Variants in COMMD7 observed in about 807,000 individuals in gnomAD.
COMMD7 encodes the protein COMM domain-containing protein 7.
A neutral mutation model predicts 34.8 loss-of-function variants in COMMD7; 28 were observed. The ratio of observed to expected loss-of-function variants is 0.80; its 90% CI spans 0.60 to 1.10. The LOEUF (loss-of-function observed/expected upper bound fraction) is 1.10, where lower values mean the gene tolerates loss of function less well. COMMD7 is among the 50% of genes least tolerant of loss of function. The probability of loss-of-function intolerance (pLI) is 0.00; values close to 1 mark genes in which losing one functional copy is unlikely to be tolerated. For missense variants in COMMD7, 211 were observed against 241.6 expected (o/e 0.87, Z 0.84); for synonymous variants, 80 against 86.4 (o/e 0.93, Z 0.41).
At chr20:32,712,750 CTTTT>C (rs568295381) in intron 3 of COMMD7, among the ~76,000 whole-genome samples, 55 of 102,458 alleles carry the variant, frequency 5.4e-4, no homozygotes, top group East Asian at 2.7e-3. Flanking sequence ...GACACGGAGA[CTTTT>C]TTTTTTTTTT....
intron 3 of COMMD7, among the ~76,000 whole-genome samples, chr20:32,712,598 G>A (rs1289697277): frequency 7.4e-6 from 1 of 135,420 alleles, no homozygotes; most frequent in African/African-American, 2.8e-5. Context: ...CCCTGCACAT[G>A]TACCCCAGAC....
At chr20:32,732,696 G>A (rs1488860530) in intron 1 of COMMD7, among the ~76,000 whole-genome samples, 1 of 151,594 alleles carries the variant, frequency 6.6e-6, no homozygotes, top group African/African-American at 2.4e-5. Flanking sequence ...GGAGGCGGAG[G>A]TGGGTGGATC....
intron 1 of COMMD7, 50 bp downstream of exon 1, chr20:32,743,255 CGGA>C: frequency 7.8e-7 from 1 of 1,285,652 alleles, no homozygotes; most frequent in Non-Finnish European, 1.1e-6. Context: ...ACCCCAGGCC[CGGA>C]TCCTGGAATC....
At chr20:32,735,269 T>G (rs1188035059) in intron 1 of COMMD7, among the ~76,000 whole-genome samples, 2 of 151,684 alleles carry the variant, frequency 1.3e-5, no homozygotes, top group Non-Finnish European at 2.9e-5. Flanking sequence ...TACTCATATA[T>G]ATGCTGGCAA....
intron 3 of COMMD7, among the ~76,000 whole-genome samples, chr20:32,720,237 A>G (rs6058828): frequency 0.69 from 105,047 of 152,038 alleles, 36,997 homozygotes; most frequent in Middle Eastern, 0.82. Flanking sequence ...GCTCACGCCT[A>G]TAATCCCATC....
intron 3 of COMMD7, among the ~76,000 whole-genome samples, chr20:32,719,153 A>G: frequency 6.6e-6 from 1 of 152,190 alleles, no homozygotes; most frequent in East Asian, 1.9e-4. Context: ...AGACTTCATT[A>G]CGCAAGGTAA....
chr20:32,724,352 C>T (rs1398707083), intron 3 of COMMD7, among the ~76,000 whole-genome samples: 2 of 16,328 alleles, frequency 1.2e-4, no homozygotes, highest in East Asian at 1.1e-3. Context: ...AGCCGCCCCG[C>T]CCAGGAGGTG....
intron 3 of COMMD7, among the ~76,000 whole-genome samples, chr20:32,725,816 T>C (rs893640318): frequency 6.6e-6 from 1 of 151,968 alleles, no homozygotes; most frequent in Non-Finnish European, 1.5e-5. Context: ...TCTGGGAGGC[T>C]GAGGCGGGCA....
chr20:32,725,822 G>A (rs1009390367), intron 3 of COMMD7, among the ~76,000 whole-genome samples: 3 of 151,622 alleles, frequency 2.0e-5, no homozygotes, highest in African/African-American at 4.8e-5. Context: ...AGGCTGAGGC[G>A]GGCAGATCGC....
intron 3 of COMMD7, among the ~76,000 whole-genome samples, chr20:32,726,268 G>A (rs1985506290): frequency 6.6e-6 from 1 of 151,762 alleles, no homozygotes; most frequent in Non-Finnish European, 1.5e-5. Context: ...GCGCTTGCCT[G>A]TGCCTGTAAT....
chr20:32,704,138 C>G, intron 7 of COMMD7, 67 bp from the exon 8 acceptor site: 2 of 1,329,472 alleles, frequency 1.5e-6, no homozygotes, highest in Non-Finnish European at 2.1e-6. Flanking sequence ...TTCTTAAAAC[C>G]CTTTGACTTA....
intron 1 of COMMD7, among the ~76,000 whole-genome samples, chr20:32,739,793 G>A (rs1192491888): frequency 7.1e-6 from 1 of 140,974 alleles, no homozygotes; most frequent in African/African-American, 2.7e-5. Context: ...CAAGGTGGGT[G>A]GATCACTTGA....
At chr20:32,727,532 C>CT (rs1985583129) in intron 3 of COMMD7, among the ~76,000 whole-genome samples, 1 of 117,950 alleles carries the variant, frequency 8.5e-6, no homozygotes, top group South Asian at 3.1e-4. Flanking sequence ...AAGATTCTGT[C>CT]TCAAAAAAAA....
chr20:32,718,448 C>T (rs986377815), intron 3 of COMMD7, among the ~76,000 whole-genome samples: 2 of 151,342 alleles, frequency 1.3e-5, no homozygotes, highest in Admixed American at 6.6e-5. Flanking sequence ...CCTGTAATCA[C>T]AGCACTTTGA....
chr20:32,721,492 C>T (rs1302914831), intron 3 of COMMD7, among the ~76,000 whole-genome samples: 1 of 151,992 alleles, frequency 6.6e-6, no homozygotes, highest in Admixed American at 6.6e-5. Flanking sequence ...CGCCTGTAAT[C>T]CCAGCACTTT....
intron 1 of COMMD7, among the ~76,000 whole-genome samples, chr20:32,738,082 G>A (rs1221050587): frequency 3.9e-5 from 6 of 152,056 alleles, no homozygotes. Context: ...AGCCAAACAC[G>A]TGATCCTAAA....
chr20:32,704,899 C>A lies in COMMD7; in HGVS notation c.342G>T (p.Lys114Asn). ...EKATYFSEKW[K>N]QNAPTLARWA... ...ATCGAGCAAGGGTGGGAGCATTCTG[C>A]TTCCACTGGAACAAAAGCAAAAGAC... is the stretch of plus-strand genomic sequence containing the variant. The change falls in exon 6 of 9, where the codon AAG becomes AAT. Residue 114 changes from lysine to asparagine, a missense_variant. Transcript: ENST00000278980. 1.9e-6 allele frequency: 3 copies of A among 1,612,848 alleles called. No homozygotes were observed. The highest frequency in any genetic ancestry group is 2.5e-6 in the Non-Finnish European group (3 of 1,178,934).
intron 3 of COMMD7, among the ~76,000 whole-genome samples, chr20:32,718,409 A>G (rs1290896210): frequency 6.6e-6 from 1 of 151,648 alleles, no homozygotes; most frequent in Non-Finnish European, 1.5e-5. Flanking sequence ...ATCTAAAAAA[A>G]AAAGGGGGGC....
intron 3 of COMMD7, among the ~76,000 whole-genome samples, chr20:32,712,767 T>G (rs1466077646): frequency 1.3e-5 from 1 of 76,016 alleles, no homozygotes; most frequent in African/African-American, 5.1e-5. Flanking sequence ...TTTTTTTTTT[T>G]TCGAGACAGA....
Sources: gnomAD v4.1 joint callset for allele counts (sites outside exome capture counted in the v4.1 genomes callset) on GRCh38, gnomAD v4.1.1 for gene constraint, MANE v1.5 for transcripts, NCBI Gene and HGNC (gene_info 2026-07-23, HGNC 2026-07-21) for gene names.